TENM3: variants seen among roughly 807,000 people sequenced by gnomAD.
The protein encoded by TENM3 is teneurin-3.
In TENM3, 63 loss-of-function variants were observed where a neutral mutation model predicts 255.1. The ratio of observed to expected loss-of-function variants is 0.25; its 90% CI spans 0.20 to 0.30. The LOEUF (loss-of-function observed/expected upper bound fraction) is 0.30. Ranked by LOEUF, TENM3 falls within the 10% of genes least tolerant of loss-of-function variation. The probability of loss-of-function intolerance (pLI) is 1.00; values close to 1 mark genes in which losing one functional copy is unlikely to be tolerated. For synonymous variants in TENM3, 1,306 were observed against 1,322.3 expected, an observed-to-expected ratio of 0.99 and a Z score of 0.27; for missense variants, 2,929 against 3,461.1, an observed-to-expected ratio of 0.85 and a Z score of 3.86.
chr4:182,230,070 G>A (rs982436663), intron 1 of TENM3, among the ~76,000 whole-genome samples: 4 of 148,948 alleles, frequency 2.7e-5, no homozygotes, highest in African/African-American at 9.9e-5. Context: ...CTCACTGAAC[G>A]TTAATTAGAT....
At chr4:182,300,913 CT>C (rs1185378867) in intron 1 of TENM3, among the ~76,000 whole-genome samples, 1 of 152,148 alleles carries the variant, frequency 6.6e-6, no homozygotes, top group Non-Finnish European at 1.5e-5. Context: ...CTGAAAAGAC[CT>C]TTGACCTCTC....
At chr4:182,602,194 C>T (rs1470801243) in intron 4 of TENM3, among the ~76,000 whole-genome samples, 5 of 152,164 alleles carry the variant, frequency 3.3e-5, no homozygotes, top group South Asian at 4.1e-4. Flanking sequence ...GGCAGCTTTG[C>T]GGGGAGGTTC....
At position 182,683,656 on chromosome 4, in the gene TENM3, A is replaced by T. The variant is rs567865589; in HGVS notation, c.2035+1642A>T. 6.2e-4 allele frequency among the ~76,000 whole-genome samples: 94 copies of T among 152,320 alleles called. 2 individuals carry two copies. The South Asian group carries it at 0.019, about 31-fold the overall frequency. On this transcript the variant is annotated intron_variant, in intron 11 of 27. Coordinates refer to ENST00000511685, the MANE Select transcript of TENM3 (RefSeq NM_001080477.4). ...CCAATTTTGGGGAGTATGGTTTAGA[A>T]ATGATAGTTTTAGGCAATGGAGGAT... is the stretch of plus-strand genomic sequence containing the variant.
At chr4:181,964,604 T>A in the TENM3 span, among the ~76,000 whole-genome samples, 1,537 of 149,350 alleles carry the variant, frequency 0.01, 26 homozygotes, top group South Asian at 0.063. Context: ...AAAAAAAAAA[T>A]AGCCATTCTG....
At chr4:182,328,442 C>A (rs975985622) in intron 2 of TENM3, among the ~76,000 whole-genome samples, 4 of 152,080 alleles carry the variant, frequency 2.6e-5, no homozygotes, top group Non-Finnish European at 4.4e-5. Context: ...TCTCGAACTC[C>A]TGACCTCAGG....
chr4:181,836,525 C>A, the TENM3 span, among the ~76,000 whole-genome samples: 4 of 152,234 alleles, frequency 2.6e-5, no homozygotes, highest in South Asian at 8.3e-4. Context: ...ATCATGGTAT[C>A]ATTTATTAAA....
chr4:182,333,354 A>G (rs116623143), intron 2 of TENM3, among the ~76,000 whole-genome samples: 1 of 152,248 alleles, frequency 6.6e-6, no homozygotes. Flanking sequence ...CCAGCAATAT[A>G]TAAAAAGAAT....
chr4:181,548,306 A>G, the TENM3 span, among the ~76,000 whole-genome samples: 2 of 152,320 alleles, frequency 1.3e-5, no homozygotes, highest in African/African-American at 4.8e-5. Flanking sequence ...CCATCCCATT[A>G]CTGGGTATAT....
chr4:182,051,096 C>G, the TENM3 span, among the ~76,000 whole-genome samples: 10 of 152,022 alleles, frequency 6.6e-5, no homozygotes, highest in Admixed American at 2.0e-4. Flanking sequence ...GTAATCCCAC[C>G]ATTTTGGGAG....
At chr4:182,682,540 G>A (rs1433280981) in intron 11 of TENM3, among the ~76,000 whole-genome samples, 1 of 152,178 alleles carries the variant, frequency 6.6e-6, no homozygotes, top group African/African-American at 2.4e-5. Context: ...CAGCCAAGTT[G>A]TTATTGAGCA....
chr4:182,395,535 G>A (rs1421647347), intron 3 of TENM3, among the ~76,000 whole-genome samples: 7 of 152,156 alleles, frequency 4.6e-5, no homozygotes, highest in Admixed American at 6.5e-5. Context: ...TGTTTAAAAT[G>A]TTTTAATTGT....
intron 1 of TENM3, among the ~76,000 whole-genome samples, chr4:182,256,717 T>C (rs1014610596): frequency 2.0e-5 from 3 of 152,184 alleles, no homozygotes; most frequent in Admixed American, 6.5e-5. Flanking sequence ...CAGATGTTTA[T>C]TTAAATTTTT....
chr4:182,256,914 A>T (rs1054499426), intron 1 of TENM3, among the ~76,000 whole-genome samples: 2 of 144,056 alleles, frequency 1.4e-5, no homozygotes, highest in Non-Finnish European at 3.0e-5. Context: ...AATAATTATT[A>T]AAAAAAAAAA....
At chr4:182,315,093 G>T (rs904785987) in intron 1 of TENM3, among the ~76,000 whole-genome samples, 2 of 152,068 alleles carry the variant, frequency 1.3e-5, no homozygotes, top group African/African-American at 2.4e-5. Flanking sequence ...CTATTATTGA[G>T]ATATATTTTA....
the TENM3 span, among the ~76,000 whole-genome samples, chr4:182,135,906 AAC>A: frequency 6.6e-6 from 1 of 152,222 alleles, no homozygotes; most frequent in Admixed American, 6.5e-5. Context: ...TGGGATTTTA[AAC>A]AGTTTGCTCT....
chr4:182,691,969 C>T (rs1757042820), intron 12 of TENM3, among the ~76,000 whole-genome samples: 1 of 150,394 alleles, frequency 6.6e-6, no homozygotes, highest in Non-Finnish European at 1.5e-5. Context: ...GGATTATACT[C>T]ATGTGCTGCC....
intron 6 of TENM3, among the ~76,000 whole-genome samples, chr4:182,669,301 A>T (rs992339080): frequency 6.6e-6 from 1 of 151,894 alleles, no homozygotes. Context: ...ATGGAGTCTC[A>T]CTCTGTTGCC....
At chr4:181,654,240 AAAAAAAAAG>A in the TENM3 span, among the ~76,000 whole-genome samples, 3 of 151,870 alleles carry the variant, frequency 2.0e-5, no homozygotes, top group African/African-American at 4.8e-5. Flanking sequence ...GAAAAAAAAA[AAAAAAAAAG>A]AAGTCCAAAC....
intron 12 of TENM3, among the ~76,000 whole-genome samples, chr4:182,700,426 G>A (rs970876442): frequency 6.6e-6 from 1 of 152,092 alleles, no homozygotes; most frequent in African/African-American, 2.4e-5. Flanking sequence ...CTATTTTAAA[G>A]TGCAAGTTTG....
Sources: allele counts gnomAD v4.1 joint callset (sites outside exome capture counted in the v4.1 genomes callset), GRCh38; gene constraint gnomAD v4.1.1; transcripts MANE v1.5; gene names NCBI Gene and HGNC (gene_info 2026-07-23, HGNC 2026-07-21).